Variants in TCOF1 observed in about 807,000 individuals in gnomAD.
TCOF1 encodes the protein treacle protein.
TCOF1 carries 33 observed loss-of-function variants against 149.0 expected under a neutral mutation model. The observed-to-expected ratio is 0.22, with a 90% CI of 0.17 to 0.30. TCOF1 has a LOEUF of 0.30. Among genes scored for constraint, TCOF1 ranks in the 10% least tolerant of loss-of-function variants. The pLI is 1.00. For synonymous variants in TCOF1, 789 were observed against 738.8 expected (o/e 1.07, Z -1.10); for missense variants, 1,728 against 1,840.7 (o/e 0.94, Z 1.12).
At position 150,396,228 on chromosome 5, in the gene TCOF1, A is replaced by G. The variant is rs538037259; in HGVS notation, c.3785-54A>G. ...CACCCTCTTCGCTCTTAGGTACCAT[A>G]AGATCTGTCCCCCAACTCTCCCAGA... is the stretch of plus-strand genomic sequence containing the variant. On this transcript the variant is annotated intron_variant, in intron 23 of 26. Transcript: ENST00000643257. The G allele has an allele frequency of 3.1e-5, 50 of 1,594,310 alleles. No individual in the cohort carries two copies. In the East Asian group the frequency reaches 3.4e-4, roughly 11 times the overall value.
rs1434033017 is a variant in TCOF1, at chr5:150,367,927, A to T, written c.378+10A>T. ...GAAAGAAAAAGCCAAGGTGAGTGGG[A>T]CTGCCTTCCAAGCTATTGCCTATGG... On this transcript the variant is annotated intron_variant, in intron 4 of 26. Coordinates refer to ENST00000643257, the MANE Select transcript of TCOF1 (RefSeq NM_001371623.1). 1.9e-6 allele frequency: 3 copies of T among 1,613,894 alleles called. No individual in the cohort carries two copies. Among genetic ancestry groups the T allele is most frequent in the Non-Finnish European group, 2.5e-6 (3 of 1,179,962 alleles).
In TCOF1 at chr5:150,396,487, G is replaced by A. The variant is rs770558420; in HGVS notation, c.3990G>A (p.Lys1330=). 2 of 1,613,804 alleles carry A rather than the reference G, an allele frequency of 1.2e-6. No individual in the cohort carries two copies. The highest frequency in any genetic ancestry group is 2.2e-5 in the South Asian group (2 of 91,068). The change falls in exon 24 of 27, where the codon AAG becomes AAA. Residue 1330 remains lysine (K), a synonymous_variant. Transcript: ENST00000643257. The part of the protein sequence containing the change: ...LTELLEQERK[K]VVDTTKESSR... ...AGCTGCTGGAACAGGAAAGAAAGAA[G>A]GTGGTGGACACCACCAAGGAGAGCA... is the stretch of plus-strand genomic sequence containing the variant.
At chr5:150,364,008 A>G in intron 2 of TCOF1, 105 bp from the exon 3 acceptor site, 1 of 1,541,062 alleles carries the variant, frequency 6.5e-7, no homozygotes, top group Non-Finnish European at 8.9e-7. Flanking sequence ...GATTCTATGC[A>G]CATTGCCTTT....
chr5:150,389,749 T>C, intron 18 of TCOF1, 138 bp from the exon 19 acceptor site: 1 of 1,494,694 alleles, frequency 6.7e-7, no homozygotes, highest in Admixed American at 1.9e-5. Flanking sequence ...GAGAGGGAAG[T>C]AAACAAGCTT....
In TCOF1 at chr5:150,367,893, A is replaced by G; in HGVS notation, c.354A>G (p.Pro118=). 1 of 1,614,216 alleles carries G rather than the reference A, an allele frequency of 6.2e-7. No individual in the cohort carries two copies. Among genetic ancestry groups the G allele is most frequent in the Non-Finnish European group, 8.5e-7 (1 of 1,180,036 alleles). The change falls in exon 4 of 27, where the codon CCA becomes CCG. Residue 118 remains proline (P), a synonymous_variant. Coordinates refer to ENST00000643257, the MANE Select transcript of TCOF1 (RefSeq NM_001371623.1). ...CCTCAGTCCTGGGGGCGGACTTGCC[A>G]TCAAGCATGAAAGAAAAAGCCAAGG... ...TNSSVLGADL[P]SSMKEKAKAE... is the part of the protein sequence containing the mutation.
Position 150,375,077 on chromosome 5 carries a change from G to C in TCOF1, c.1402G>C (p.Val468Leu). The change falls in exon 10 of 27, where the codon GTG becomes CTG. Residue 468 changes from valine (V) to leucine (L), a missense_variant. Transcript: ENST00000643257. Reference protein sequence around the residue: ...KTGPAAAQVQVGKQEEDSRSS... With the variant: ...KTGPAAAQVQLGKQEEDSRSS... ...AGGGCCTGCAGCCGCCCAGGTCCAGGTGGGGAAGCAGGAGGAGGACTCAAG... is the reference window on the plus strand; with the variant it reads ...AGGGCCTGCAGCCGCCCAGGTCCAGCTGGGGAAGCAGGAGGAGGACTCAAG... 6.2e-7 allele frequency: 1 copy of C among 1,614,190 alleles called. No homozygotes were observed. Among genetic ancestry groups the C allele is most frequent in the Non-Finnish European group, 8.5e-7 (1 of 1,180,040 alleles).
chr5:150,364,220 A>G lies in TCOF1; in HGVS notation c.272A>G (p.Glu91Gly). The G allele has an allele frequency of 2.5e-6, 4 of 1,614,148 alleles. No homozygotes were observed. The highest frequency in any genetic ancestry group is 3.4e-6 in the Non-Finnish European group (4 of 1,180,014). ...AGCACCTCGGAGAGCTCGGAAGAGG[A>G]GGAAGAAGCAGAAGCCGAAACCGCC... ...PISTSESSEE[E>G]EEAEAETAKA... is the part of the protein sequence containing the mutation. Residue 91 changes from glutamate to glycine, a missense_variant, in exon 3 of 27, where the codon GAG (glutamate) becomes GGG (glycine). Glu to Gly is a moderately conservative substitution (Grantham distance 98). Around this residue, in one of 2 missense-constraint regions of TCOF1, gnomAD observed 1,696 missense variants for 1,765.4 expected, o/e 0.96. Coordinates refer to ENST00000643257, the MANE Select transcript of TCOF1 (RefSeq NM_001371623.1).
chr5:150,384,700 T>G, intron 17 of TCOF1: 1 of 985,470 alleles, frequency 1.0e-6, no homozygotes, highest in Non-Finnish European at 1.2e-6. Flanking sequence ...AGAAAAGAAG[T>G]CAGCGGTTTG....
intron 17 of TCOF1, chr5:150,383,805 T>A (rs1275037672): frequency 6.4e-7 from 1 of 1,551,712 alleles, no homozygotes; most frequent in East Asian, 2.4e-5. Flanking sequence ...GTGGCATACC[T>A]TCATGTGCTC....
intron 5 of TCOF1, 29 bp from the exon 6 acceptor site, chr5:150,369,500 C>A (rs371204822): frequency 1.4e-4 from 230 of 1,613,470 alleles, no homozygotes; most frequent in Non-Finnish European, 1.8e-4. Flanking sequence ...AAAGGGAGTC[C>A]CTCAGTCCCC....
chr5:150,378,186 G>A (rs1764251035), intron 14 of TCOF1, among the ~76,000 whole-genome samples: 1 of 152,160 alleles, frequency 6.6e-6, no homozygotes, highest in East Asian at 1.9e-4. Flanking sequence ...TTCTGACACT[G>A]ACCAGATGCC....
At chr5:150,383,761 A>G (rs1363372453) in intron 17 of TCOF1, 3 of 1,551,890 alleles carry the variant, frequency 1.9e-6, no homozygotes, top group Non-Finnish European at 2.6e-6. Flanking sequence ...CTTGAATCCC[A>G]TGAGCTCTGC....
intron 19 of TCOF1, 136 bp downstream of exon 19, chr5:150,390,159 A>AAAGCCTCT: frequency 7.1e-7 from 1 of 1,402,754 alleles, no homozygotes; most frequent in Non-Finnish European, 9.7e-7. Context: ...TCACAGCCAG[A>AAAGCCTCT]GGCTTTCTGG....
chr5:150,372,091 C>G lies in TCOF1; in HGVS notation c.725C>G (p.Pro242Arg), dbSNP rs775065862. ...ESPARKAAPA[P>R]GKVGDVTPQV... is the part of the protein sequence containing the mutation. ...CCAGCAAGAAAGGCGGCCCCAGCCC[C>G]TGGGAAGGTGGGGGATGTGACACCC... The change falls in exon 7 of 27, where the codon CCT becomes CGT. Residue 242 changes from proline (P) to arginine (R), a missense_variant. This residue lies in a region of TCOF1 where 1,696 missense variants were observed against 1,765.4 expected (regional missense o/e 0.96). Transcript: ENST00000643257. 10 of 1,614,110 alleles carry G rather than the reference C, an allele frequency of 6.2e-6. No homozygotes were observed. The African/African-American group carries it at 6.7e-5, about 11-fold the overall frequency.
At chr5:150,391,878 C>A in intron 20 of TCOF1, 79 bp from the exon 21 acceptor site, 2 of 1,418,198 alleles carry the variant, frequency 1.4e-6, no homozygotes, top group Non-Finnish European at 2.0e-6. Flanking sequence ...AGTTCCTGGC[C>A]CTACTGAAGT....
chr5:150,382,741 C>T (rs1180528501), intron 17 of TCOF1, among the ~76,000 whole-genome samples: 1 of 152,252 alleles, frequency 6.6e-6, no homozygotes, highest in Non-Finnish European at 1.5e-5. Context: ...CTTGTGCCTG[C>T]AACCTTGTCC....
At chr5:150,378,363 A>G (rs551620687) in intron 14 of TCOF1, among the ~76,000 whole-genome samples, 19 of 151,680 alleles carry the variant, frequency 1.3e-4, no homozygotes, top group African/African-American at 4.1e-4. Context: ...GGTTCTCTGG[A>G]TATCGGTTAA....
At chr5:150,388,753 C>T (rs1766791812) in intron 18 of TCOF1, among the ~76,000 whole-genome samples, 1 of 152,136 alleles carries the variant, frequency 6.6e-6, no homozygotes, top group African/African-American at 2.4e-5. Flanking sequence ...GCCTGGGTAA[C>T]ATGGCGAAAC....
chr5:150,369,301 G>A (rs1179138974), intron 5 of TCOF1, among the ~76,000 whole-genome samples: 1 of 152,200 alleles, frequency 6.6e-6, no homozygotes, highest in African/African-American at 2.4e-5. Flanking sequence ...CATATTTGTT[G>A]GGTCCCCTCA....
Sources: allele counts gnomAD v4.1 joint callset (sites outside exome capture counted in the v4.1 genomes callset), GRCh38; gene constraint gnomAD v4.1.1; regional missense constraint gnomAD v4.1.1; transcripts MANE v1.5; gene names NCBI Gene and HGNC (gene_info 2026-07-23, HGNC 2026-07-21).